Variants in SRL observed in about 807,000 individuals in gnomAD.
The protein encoded by SRL is sarcalumenin.
Under a neutral mutation model 39.5 loss-of-function variants are expected in SRL, and 23 were observed. That is an observed-to-expected ratio of 0.58 (90% CI 0.42 to 0.82). The LOEUF is 0.82. SRL is among the 40% of genes least tolerant of loss of function. The pLI, the probability that SRL is intolerant of heterozygous loss-of-function variation, is 0.00. For missense variants in SRL, 592 were observed against 607.8 expected, an observed-to-expected ratio of 0.97 and a Z score of 0.27; for synonymous variants, 272 against 237.4, an observed-to-expected ratio of 1.15 and a Z score of -1.34.
intron 1 of SRL, among the ~76,000 whole-genome samples, chr16:4,232,518 T>TG (rs913228985): frequency 2.0e-5 from 3 of 148,244 alleles, no homozygotes; most frequent in African/African-American, 5.0e-5. Context: ...CTAGACGAAT[T>TG]TTTTTTTTTT....
At chr16:4,230,564 TC>T (rs368072168) in intron 1 of SRL, among the ~76,000 whole-genome samples, 78 of 151,304 alleles carry the variant, frequency 5.2e-4, no homozygotes, top group African/African-American at 1.7e-3. Context: ...TTTTTTTGTA[TC>T]TTTAGTAGAG....
At position 4,192,989 on chromosome 16, in the gene SRL, C is replaced by G. The variant is rs997164817; in HGVS notation, c.611-25G>C. Reference sequence around the variant, plus strand: ...CCTTTGGGAGACAGAAGTGAGAAGTCAAACTGAGTAGGCCTCCCTCAAAGC... The same window carrying G: ...CCTTTGGGAGACAGAAGTGAGAAGTGAAACTGAGTAGGCCTCCCTCAAAGC... On this transcript the variant is annotated intron_variant, in intron 5 of 5. Coordinates refer to ENST00000399609, the MANE Select transcript of SRL (RefSeq NM_001098814.2). This position sits in a 1 kb window ranked among gnomAD's most constrained non-coding sequence, Gnocchi z 4.0. The G allele has an allele frequency of 1.3e-6, 2 of 1,588,258 alleles. No individual in the cohort carries two copies. The highest frequency in any genetic ancestry group is 2.7e-5 in the African/African-American group (2 of 74,604).
intron 3 of SRL, among the ~76,000 whole-genome samples, chr16:4,199,300 T>G (rs2052189155): frequency 6.6e-6 from 1 of 151,936 alleles, no homozygotes; most frequent in East Asian, 1.9e-4. Flanking sequence ...GCTGACTTCT[T>G]ACATGTTATT....
intron 1 of SRL, chr16:4,207,294 G>C (rs761026708): frequency 1.8e-5 from 8 of 456,732 alleles, no homozygotes; most frequent in Non-Finnish European, 4.4e-6. Flanking sequence ...GTTCTCCTCA[G>C]TGTCCCCTGC....
intron 1 of SRL, among the ~76,000 whole-genome samples, chr16:4,223,950 G>T (rs934949810): frequency 6.6e-6 from 1 of 152,160 alleles, no homozygotes; most frequent in African/African-American, 2.4e-5. Context: ...CATCATGGGT[G>T]GGGGCATAGC....
At chr16:4,213,691 G>A (rs1333991720) in intron 1 of SRL, among the ~76,000 whole-genome samples, 1 of 152,094 alleles carries the variant, frequency 6.6e-6, no homozygotes, top group African/African-American at 2.4e-5. Flanking sequence ...GATTACAGGT[G>A]TGAACCACGC....
chr16:4,222,579 GT>G (rs1249467728), intron 1 of SRL, among the ~76,000 whole-genome samples: 1 of 151,932 alleles, frequency 6.6e-6, no homozygotes, highest in African/African-American at 2.4e-5. Context: ...CGGCTTTTTT[GT>G]TTTTTTCTTT....
rs148686021 is a variant in SRL at position 4,204,188 on chromosome 16, C to T, written c.163+345G>A. ...ATAAAATGAAACAGCACACATGAAA[C>T]GGCTTTATAAACTAAAAATCACAGC... On this transcript the variant is annotated intron_variant, in intron 2 of 5. Transcript: ENST00000399609. 5.8e-4 allele frequency among the ~76,000 whole-genome samples: 89 copies of T among 152,332 alleles called. 2 individuals are homozygous for T. In the East Asian group the frequency reaches 0.01, roughly 18 times the overall value.
At position 4,204,434 on chromosome 16, in the gene SRL, G is replaced by A. The variant is rs576335891; in HGVS notation, c.163+99C>T. Reference sequence around the variant, plus strand: ...ATACAGCCCCGGCCTCCAAGATACAGCCCCGGCACGCCCTGGCTCTCAGGA... The same window carrying A: ...ATACAGCCCCGGCCTCCAAGATACAACCCCGGCACGCCCTGGCTCTCAGGA... On this transcript the variant is annotated intron_variant, in intron 2 of 5. Transcript: ENST00000399609. The A allele has an allele frequency of 4.3e-4, 476 of 1,101,794 alleles. 1 individual carries two copies. The highest frequency in any genetic ancestry group is 6.1e-4 in the Non-Finnish European group (444 of 729,034). 68.3% of individuals were successfully genotyped at this position (1,101,794 alleles called of 1,614,324 possible).
intron 5 of SRL, among the ~76,000 whole-genome samples, chr16:4,194,298 A>C (rs563100306): frequency 2.0e-5 from 3 of 152,306 alleles, no homozygotes; most frequent in Non-Finnish European, 4.4e-5. Context: ...TTCTGTACCC[A>C]TTAACAGTAA....
rs1187057579 is a variant in SRL, at chr16:4,197,843, T to G, written c.332A>C (p.Asn111Thr). ...AGTATTTTCCAGCCCAAGGAGGTAG[T>G]TTATCATGGTAGATTTACCAACACT... ...PWSVGKSTMI[N>T]YLLGLENTRY... The change falls in exon 4 of 6, where the codon AAC becomes ACC. Residue 111 changes from asparagine (N) to threonine (T), a missense_variant. Coordinates refer to ENST00000399609, the MANE Select transcript of SRL (RefSeq NM_001098814.2). 6.2e-7 allele frequency: 1 copy of G among 1,613,994 alleles called. No individual in the cohort carries two copies. The highest frequency in any genetic ancestry group is 1.7e-5 in the Admixed American group (1 of 60,022).
intron 1 of SRL, among the ~76,000 whole-genome samples, chr16:4,215,185 G>A (rs963005566): frequency 2.6e-5 from 4 of 152,202 alleles, no homozygotes; most frequent in Non-Finnish European, 5.9e-5. Context: ...CAGGACCCCT[G>A]AGGTCCTCTT....
chr16:4,227,084 TGAACA>T (rs1462887943), intron 1 of SRL, among the ~76,000 whole-genome samples: 1 of 143,124 alleles, frequency 7.0e-6, no homozygotes, highest in African/African-American at 2.6e-5. Context: ...GATGGATGGA[TGAACA>T]GATGGATGGA....
intron 1 of SRL, among the ~76,000 whole-genome samples, chr16:4,237,669 G>T (rs1255438455): frequency 6.6e-6 from 1 of 151,800 alleles, no homozygotes; most frequent in African/African-American, 2.4e-5. Context: ...CTTCATGCAA[G>T]ACAGAACAAT....
chr16:4,229,044 G>A (rs4786476), intron 1 of SRL, among the ~76,000 whole-genome samples: 66,731 of 151,850 alleles, frequency 0.44, 15,903 homozygotes, highest in African/African-American at 0.62. Context: ...TCACTGCAGC[G>A]TTACTCACAA....
At chr16:4,206,698 G>A (rs982957291) in intron 1 of SRL, 8 of 456,666 alleles carry the variant, frequency 1.8e-5, no homozygotes, top group Non-Finnish European at 3.5e-5. Context: ...CCCAAGGGAC[G>A]GGGTTGCTGT....
intron 1 of SRL, among the ~76,000 whole-genome samples, chr16:4,240,340 C>T (rs997142652): frequency 2.6e-5 from 4 of 152,024 alleles, no homozygotes; most frequent in South Asian, 2.1e-4. Context: ...ATGATGGGGG[C>T]GTGAGGAAGC....
chr16:4,197,544 C>G (rs557849441), intron 4 of SRL, among the ~76,000 whole-genome samples: 1 of 149,490 alleles, frequency 6.7e-6, no homozygotes, highest in Non-Finnish European at 1.5e-5. Flanking sequence ...GTCTCAAGTT[C>G]CTGAGTAGCT....
rs137978501 is a variant in SRL at position 4,196,086 on chromosome 16, G to A, written c.377-300C>T. Reference sequence around the variant, plus strand: ...AGCGATTCTCCCACCTCAGCCTCCCGAGTAGCTGAGATTACAGGCACTCGC... The same window carrying A: ...AGCGATTCTCCCACCTCAGCCTCCCAAGTAGCTGAGATTACAGGCACTCGC... On this transcript the variant is annotated intron_variant, in intron 4 of 5. Transcript: ENST00000399609. 9.7e-4 allele frequency among the ~76,000 whole-genome samples: 147 copies of A among 151,708 alleles called. 4 individuals are homozygous for A. The East Asian group carries it at 0.028, about 29-fold the overall frequency.
Sources: allele counts gnomAD v4.1 joint callset (sites outside exome capture counted in the v4.1 genomes callset), GRCh38; gene constraint gnomAD v4.1.1; non-coding constraint Gnocchi (gnomAD v3.1); transcripts MANE v1.5; gene names NCBI Gene and HGNC (gene_info 2026-07-23, HGNC 2026-07-21).